LTBP1: variants seen among roughly 807,000 people sequenced by gnomAD.
The protein encoded by LTBP1 is latent transforming growth factor beta binding protein 1.
A neutral mutation model predicts 207.6 loss-of-function variants in LTBP1; 129 were observed. The observed-to-expected ratio is 0.62, with a 90% CI of 0.54 to 0.72. The LOEUF is 0.72. Ranked by LOEUF, LTBP1 falls within the 30% of genes least tolerant of loss-of-function variation. The pLI, the probability that LTBP1 is intolerant of heterozygous loss-of-function variation, is 0.00. For synonymous variants in LTBP1, 963 were observed against 833.7 expected (o/e 1.16, Z -2.67); for missense variants, 2,281 against 2,217.2 (o/e 1.03, Z -0.58).
rs192797376 is a variant in LTBP1 at position 33,024,713 on chromosome 2, A to T, written c.863+3507A>T. ...TCTGTGAAAAGATGGTTGGATTCAG[A>T]TACATACAACTGGAGGAGAAGGGTG... On this transcript the variant is annotated intron_variant, in intron 3 of 33. Coordinates refer to ENST00000404816, the MANE Select transcript of LTBP1 (RefSeq NM_206943.4). Among the ~76,000 whole-genome samples the T allele has an allele frequency of 2.0e-5, 3 of 152,320 alleles. No individual in the cohort carries two copies. In the East Asian group the frequency reaches 5.8e-4, roughly 29 times the overall value.
At chr2:33,163,735 T>C (rs1033230666) in intron 5 of LTBP1, among the ~76,000 whole-genome samples, 1 of 152,162 alleles carries the variant, frequency 6.6e-6, no homozygotes, top group Non-Finnish European at 1.5e-5. Context: ...TTTAGGACTT[T>C]CAAATAAAAC....
chr2:33,123,167 C>T (rs995322671), intron 4 of LTBP1, among the ~76,000 whole-genome samples: 33 of 152,170 alleles, frequency 2.2e-4, no homozygotes, highest in African/African-American at 7.2e-4. Flanking sequence ...ACCCCTGCAA[C>T]ACTTGGAGAA....
intron 9 of LTBP1, among the ~76,000 whole-genome samples, chr2:33,225,903 G>A (rs1048618850): frequency 6.6e-6 from 1 of 152,074 alleles, no homozygotes; most frequent in Non-Finnish European, 1.5e-5. Flanking sequence ...TTACACAAAT[G>A]ACAGGATTTC....
At chr2:33,340,695 G>A (rs2094608389) in intron 24 of LTBP1, among the ~76,000 whole-genome samples, 1 of 152,098 alleles carries the variant, frequency 6.6e-6, no homozygotes, top group African/African-American at 2.4e-5. Flanking sequence ...AAGAGGAATA[G>A]TAGTAATAAT....
At chr2:33,197,798 C>T (rs1463160484) in intron 7 of LTBP1, among the ~76,000 whole-genome samples, 1 of 152,148 alleles carries the variant, frequency 6.6e-6, no homozygotes, top group Non-Finnish European at 1.5e-5. Flanking sequence ...GCTGAACCTG[C>T]CCACTGCCTC....
chr2:33,108,795 T>C (rs769517190), intron 3 of LTBP1, among the ~76,000 whole-genome samples: 7 of 152,224 alleles, frequency 4.6e-5, no homozygotes, highest in Non-Finnish European at 8.8e-5. Context: ...TCCAAGAGGC[T>C]GATAGAAGAG....
rs374773424 is a variant in LTBP1 at position 33,157,812 on chromosome 2, C to G, written c.1201+22852C>G. Among the ~76,000 whole-genome samples the G allele has an allele frequency of 1.4e-3, 216 of 152,172 alleles. 1 individual carries two copies. In the Middle Eastern group the frequency reaches 0.017, roughly 12 times the overall value. On this transcript the variant is annotated intron_variant, in intron 5 of 33. Coordinates refer to ENST00000404816, the MANE Select transcript of LTBP1 (RefSeq NM_206943.4). ...CCAAATAAGGTGAGGATGAGAATCACTGGGTTACTGGGAAAAGCTGGAATG... is the reference window on the plus strand; with the variant it reads ...CCAAATAAGGTGAGGATGAGAATCAGTGGGTTACTGGGAAAAGCTGGAATG...
intron 31 of LTBP1, among the ~76,000 whole-genome samples, chr2:33,378,900 A>G (rs2095178001): frequency 6.6e-6 from 1 of 152,236 alleles, no homozygotes; most frequent in African/African-American, 2.4e-5. Context: ...GGAGAAAAAC[A>G]TCTAGAAAGT....
intron 2 of LTBP1, among the ~76,000 whole-genome samples, chr2:32,961,998 A>C (rs983243795): frequency 4.6e-5 from 7 of 151,966 alleles, no homozygotes; most frequent in African/African-American, 1.7e-4. Context: ...ATATAAACAT[A>C]AGGTGACCTT....
intron 21 of LTBP1, 22 bp from the exon 22 acceptor site, chr2:33,301,500 C>G: frequency 6.4e-7 from 1 of 1,559,148 alleles, no homozygotes; most frequent in East Asian, 2.3e-5. Flanking sequence ...TCCACAGTTT[C>G]TTTGTATTCT....
At chr2:32,971,265 CA>C (rs1300504659) in intron 2 of LTBP1, among the ~76,000 whole-genome samples, 1 of 152,048 alleles carries the variant, frequency 6.6e-6, no homozygotes, top group Non-Finnish European at 1.5e-5. Flanking sequence ...TCCCCTCTTC[CA>C]ATGGAATGCC....
intron 3 of LTBP1, among the ~76,000 whole-genome samples, chr2:33,021,463 C>A (rs2075164050): frequency 6.6e-6 from 1 of 152,018 alleles, no homozygotes; most frequent in South Asian, 2.1e-4. Context: ...TTATAGGGAT[C>A]AAGACTGGAA....
At chr2:33,224,169 A>C (rs1038946878) in intron 9 of LTBP1, among the ~76,000 whole-genome samples, 2 of 152,194 alleles carry the variant, frequency 1.3e-5, no homozygotes, top group Non-Finnish European at 2.9e-5. Context: ...TTAAGAAGCT[A>C]TCAGATCACC....
At chr2:33,286,915 A>C (rs2093676751) in intron 19 of LTBP1, among the ~76,000 whole-genome samples, 1 of 152,128 alleles carries the variant, frequency 6.6e-6, no homozygotes, top group African/African-American at 2.4e-5. Flanking sequence ...GGAACATCAC[A>C]CACCAGGACC....
chr2:33,136,460 T>G (rs2150627731), intron 5 of LTBP1, among the ~76,000 whole-genome samples: 1 of 152,370 alleles, frequency 6.6e-6, no homozygotes, highest in South Asian at 2.1e-4. Context: ...TATGACTTTT[T>G]ATCAGCAATA....
chr2:33,259,728 G>T, intron 13 of LTBP1, 118 bp downstream of exon 13: 3 of 930,374 alleles, frequency 3.2e-6, no homozygotes, highest in Non-Finnish European at 4.7e-6. Flanking sequence ...GCATCATTTG[G>T]TTTGAGTTAA....
rs2095366375 is a variant in LTBP1 at position 33,397,189 on chromosome 2, T to C, written c.4891T>C (p.Cys1631Arg). Residue 1631 changes from cysteine to arginine, a missense_variant, in exon 33 of 34, where the codon TGT becomes CGT. By Grantham distance (180) the Cys-to-Arg change is radical. This residue lies in a region of LTBP1 where 1,671 missense variants were observed against 1,634.8 expected (regional missense o/e 1.02). Transcript: ENST00000404816. ...QAEECGILNG[C>R]ENGRCVRVQE... ...TGAGGAATGCGGCATCCTCAATGGA[T>C]GTGAAAATGGTCGCTGTGTGAGGGT... is the stretch of plus-strand genomic sequence containing the variant. 1 of 1,614,058 alleles carries C rather than the reference T, an allele frequency of 6.2e-7. No individual in the cohort carries two copies. The highest frequency in any genetic ancestry group is 8.5e-7 in the Non-Finnish European group (1 of 1,180,026).
intron 24 of LTBP1, among the ~76,000 whole-genome samples, chr2:33,315,822 A>G (rs2094262457): frequency 6.6e-6 from 1 of 152,166 alleles, no homozygotes. Context: ...CTGTGATCCC[A>G]GCTACTTGGG....
At chr2:33,032,147 A>T (rs1203662763) in intron 3 of LTBP1, among the ~76,000 whole-genome samples, 1 of 152,206 alleles carries the variant, frequency 6.6e-6, no homozygotes, top group Admixed American at 6.5e-5. Context: ...GTTAAATGGA[A>T]TGATATGTAA....
Sources: allele counts gnomAD v4.1 joint callset (sites outside exome capture counted in the v4.1 genomes callset), GRCh38; gene constraint gnomAD v4.1.1; regional missense constraint gnomAD v4.1.1; transcripts MANE v1.5; gene names NCBI Gene and HGNC (gene_info 2026-07-23, HGNC 2026-07-21).